The following BDP1 variants were observed in gnomAD, a reference collection of about 807,000 sequenced individuals.
BDP1 encodes transcription factor TFIIIB component B'' homolog.
A neutral mutation model predicts 266.6 loss-of-function variants in BDP1; 169 were observed. That is an observed-to-expected ratio of 0.63 (90% CI 0.56 to 0.72). The LOEUF is 0.72. Among genes scored for constraint, BDP1 ranks in the 30% least tolerant of loss-of-function variants. The probability of loss-of-function intolerance (pLI) is 0.00; values close to 1 mark genes in which losing one functional copy is unlikely to be tolerated. For missense variants in BDP1, 3,015 were observed against 3,053.8 expected (o/e 0.99, Z 0.30); for synonymous variants, 1,090 against 1,022.4 (o/e 1.07, Z -1.26).
the BDP1 span, among the ~76,000 whole-genome samples, chr5:71,575,160 T>A: frequency 6.6e-6 from 1 of 152,330 alleles, no homozygotes; most frequent in South Asian, 2.1e-4. Flanking sequence ...ATGAAAACTT[T>A]GATAACCCAG....
intron 32 of BDP1, among the ~76,000 whole-genome samples, chr5:71,545,643 T>C (rs1369502683): frequency 3.3e-5 from 5 of 152,156 alleles, no homozygotes; most frequent in Non-Finnish European, 7.4e-5. Flanking sequence ...CTTCACCCTT[T>C]TTAGTGTACA....
chr5:71,573,227 CAA>C, the BDP1 span, among the ~76,000 whole-genome samples: 6 of 82,680 alleles, frequency 7.3e-5, no homozygotes, highest in Admixed American at 1.3e-4. Flanking sequence ...GACTCTGTTT[CAA>C]AAAAAAAAAA....
intron 11 of BDP1, chr5:71,495,025 C>T: frequency 3.1e-6 from 1 of 322,686 alleles, no homozygotes; most frequent in Non-Finnish European, 5.5e-6. Context: ...TGAGCATGTT[C>T]CTAAGCGTGT....
chr5:71,457,016 C>A (rs949272091), intron 1 of BDP1, among the ~76,000 whole-genome samples: 1 of 152,134 alleles, frequency 6.6e-6, no homozygotes. Context: ...GTTGATAGTT[C>A]AGTGATGGTT....
At chr5:71,577,374 G>A in the BDP1 span, among the ~76,000 whole-genome samples, 2 of 152,164 alleles carry the variant, frequency 1.3e-5, no homozygotes, top group African/African-American at 4.8e-5. Flanking sequence ...GTGGAGAACT[G>A]GACACGCACA....
rs766825669 is a variant in BDP1, at chr5:71,510,446, G to A, written c.3354G>A (p.Leu1118=). The change falls in exon 17 of 39, where the codon TTG becomes TTA. Residue 1118 remains leucine (L), a synonymous_variant. Transcript: ENST00000358731. The part of the protein sequence containing the change: ...VKPLGEMQTD[L]KATGREISPR... ...CTCTAGGTGAAATGCAAACAGATTT[G>A]AAAGCAACCGGAAGGGAGATTTCCC... 8.7e-6 allele frequency: 14 copies of A among 1,613,722 alleles called. No individual in the cohort carries two copies. The highest frequency in any genetic ancestry group is 1.1e-5 in the Non-Finnish European group (13 of 1,179,950).
At chr5:71,496,589 C>A (rs1281851935) in intron 12 of BDP1, among the ~76,000 whole-genome samples, 2 of 152,032 alleles carry the variant, frequency 1.3e-5, no homozygotes, top group Non-Finnish European at 2.9e-5. Flanking sequence ...AGGTGCTCGC[C>A]ACCACATCCA....
Position 71,515,015 on chromosome 5 carries a change from G to A in BDP1, c.4542G>A (p.Leu1514=). Reference sequence around the variant, plus strand: ...ACAGGAATGAGGAGGCTGTGATATTGCCATGTACACAGACTGAAAGGAACC... The same window carrying A: ...ACAGGAATGAGGAGGCTGTGATATTACCATGTACACAGACTGAAAGGAACC... The part of the protein sequence containing the change: ...LGHRNEEAVI[L]PCTQTERNLS... The change falls in exon 20 of 39, where the codon TTG becomes TTA. Residue 1514 remains leucine (L), a synonymous_variant. Transcript: ENST00000358731. 6.2e-7 allele frequency: 1 copy of A among 1,613,054 alleles called. No individual in the cohort carries two copies. The highest frequency in any genetic ancestry group is 8.5e-7 in the Non-Finnish European group (1 of 1,179,490).
chr5:71,558,848 C>A (rs1254779821), intron 36 of BDP1, among the ~76,000 whole-genome samples: 3 of 144,964 alleles, frequency 2.1e-5, no homozygotes, highest in Non-Finnish European at 4.5e-5. Flanking sequence ...AAAAAAACAA[C>A]AAAAAAACCC....
intron 14 of BDP1, among the ~76,000 whole-genome samples, chr5:71,502,189 CT>C (rs70992970): frequency 0.28 from 37,953 of 135,058 alleles, 4,971 homozygotes; most frequent in East Asian, 0.46. Flanking sequence ...TTTTCTCTCT[CT>C]TTTTTTTTTT....
At chr5:71,573,515 G>T in the BDP1 span, among the ~76,000 whole-genome samples, 3 of 152,206 alleles carry the variant, frequency 2.0e-5, no homozygotes, top group Non-Finnish European at 4.4e-5. Context: ...AGTGAGTGTG[G>T]TAAGTAAGGG....
At chr5:71,562,137 G>A in intron 37 of BDP1, 137 bp from the exon 38 acceptor site, 1 of 674,726 alleles carries the variant, frequency 1.5e-6, no homozygotes, top group East Asian at 3.2e-5. Flanking sequence ...GGTGGAGGTT[G>A]CAGTGAGCCG....
At chr5:71,489,194 G>T (rs775673421) in intron 9 of BDP1, among the ~76,000 whole-genome samples, 1 of 152,042 alleles carries the variant, frequency 6.6e-6, no homozygotes, top group Non-Finnish European at 1.5e-5. Context: ...TTTTTCACAT[G>T]ACTACATATA....
At chr5:71,533,918 T>G (rs1271593720) in intron 26 of BDP1, among the ~76,000 whole-genome samples, 1 of 152,228 alleles carries the variant, frequency 6.6e-6, no homozygotes, top group African/African-American at 2.4e-5. Flanking sequence ...TCAAATCTTT[T>G]GTCTGTTTTT....
At chr5:71,548,802 C>T in intron 33 of BDP1, 57 bp downstream of exon 33, 1 of 1,200,548 alleles carries the variant, frequency 8.3e-7, no homozygotes, top group Non-Finnish European at 1.2e-6. Flanking sequence ...ATTTTTACCC[C>T]TTATTTAACT....
chr5:71,521,888 T>C (rs1375608814), intron 22 of BDP1, among the ~76,000 whole-genome samples: 3 of 152,134 alleles, frequency 2.0e-5, no homozygotes, highest in Admixed American at 2.0e-4. Flanking sequence ...CATATATTTG[T>C]TCATGCTTTG....
chr5:71,563,636 GGT>G, intron 38 of BDP1, among the ~76,000 whole-genome samples: 1 of 152,284 alleles, frequency 6.6e-6, no homozygotes, highest in Non-Finnish European at 1.5e-5. Flanking sequence ...TTCCCAGCTG[GGT>G]GCGGTGGCTC....
rs753952466 is a variant in BDP1, at chr5:71,510,734, A to G, written c.3642A>G (p.Pro1214=). ...AAATATCGCCACAGGAAAATGGCCC[A>G]GAGGAGGTCAAGCCTGTAGGTAAAA... ...EREISPQENG[P]EEVKPVGKME... The change falls in exon 17 of 39, where the codon CCA becomes CCG. Residue 1214 remains proline, a synonymous_variant. Transcript: ENST00000358731. 55 of 1,614,078 alleles carry G rather than the reference A, an allele frequency of 3.4e-5. No homozygotes were observed. The highest frequency in any genetic ancestry group is 4.6e-5 in the Non-Finnish European group (54 of 1,180,036).
At chr5:71,466,749 GT>G (rs201786929) in intron 5 of BDP1, among the ~76,000 whole-genome samples, 3,797 of 151,496 alleles carry the variant, frequency 0.025, 72 homozygotes, top group South Asian at 0.073. Flanking sequence ...TGTCTTAAGG[GT>G]TTTTTTTTAA....
Sources: allele counts gnomAD v4.1 joint callset (sites outside exome capture counted in the v4.1 genomes callset), GRCh38; gene constraint gnomAD v4.1.1; transcripts MANE v1.5; gene names NCBI Gene and HGNC (gene_info 2026-07-23, HGNC 2026-07-21).